Variants in PEX5L observed in about 807,000 individuals in gnomAD.
The protein encoded by PEX5L is PEX5-related protein.
Under a neutral mutation model 84.0 loss-of-function variants are expected in PEX5L, and 30 were observed. That is an observed-to-expected ratio of 0.36 (90% CI 0.27 to 0.48). The LOEUF is 0.48. PEX5L is among the 20% of genes least tolerant of loss of function. The pLI, the probability that PEX5L is intolerant of heterozygous loss-of-function variation, is 0.99. For missense variants in PEX5L, 533 were observed against 754.6 expected, an observed-to-expected ratio of 0.71 and a Z score of 3.44; for synonymous variants, 270 against 283.1, an observed-to-expected ratio of 0.95 and a Z score of 0.46.
chr3:179,978,063 T>G (rs1012038253), intron 1 of PEX5L, among the ~76,000 whole-genome samples: 2 of 152,248 alleles, frequency 1.3e-5, no homozygotes, highest in Non-Finnish European at 2.9e-5. Flanking sequence ...TTTTGCCATA[T>G]GCATGAGCCC....
intron 1 of PEX5L, among the ~76,000 whole-genome samples, chr3:180,004,728 G>A (rs947612375): frequency 5.3e-5 from 8 of 151,820 alleles, no homozygotes; most frequent in Non-Finnish European, 7.4e-5. Context: ...AGGGGCCCAG[G>A]AAGCTGCACT....
rs760534568 is a variant in PEX5L, at chr3:179,800,181, G to C, written c.*1647C>G. ...TACCTCGCATTCAATTGATAAGCAC[G>C]TGTGCACATTTACTCCTCAGTAGAA... On this transcript the variant is annotated 3_prime_UTR_variant, in exon 15 of 15. Transcript: ENST00000467460. The C allele has an allele frequency of 6.6e-6, 1 of 152,184 alleles. No individual in the cohort carries two copies. Among genetic ancestry groups the C allele is most frequent in the African/African-American group, 2.4e-5 (1 of 41,432 alleles). The allele number at this position is 152,184 out of a possible 1,614,324, so 9.4% of individuals were successfully genotyped here.
At chr3:179,914,908 G>A (rs1453274918) in intron 2 of PEX5L, among the ~76,000 whole-genome samples, 1 of 152,172 alleles carries the variant, frequency 6.6e-6, no homozygotes, top group Non-Finnish European at 1.5e-5. Flanking sequence ...TTAAAATATA[G>A]TAGCAGTTTA....
At chr3:179,896,298 T>G (rs1282706855) in intron 3 of PEX5L, 2 of 152,134 alleles carry the variant, frequency 1.3e-5, no homozygotes, top group Non-Finnish European at 2.9e-5. Flanking sequence ...GAATCAGAAC[T>G]CTGTTTGCTG....
intron 8 of PEX5L, among the ~76,000 whole-genome samples, chr3:179,845,734 A>G (rs1342502116): frequency 6.6e-6 from 1 of 152,178 alleles, no homozygotes; most frequent in African/African-American, 2.4e-5. Flanking sequence ...GTCCCTTAAC[A>G]TCTCTGGATT....
intron 2 of PEX5L, among the ~76,000 whole-genome samples, chr3:179,951,635 G>C (rs985371141): frequency 6.6e-6 from 1 of 152,138 alleles, no homozygotes. Context: ...GCTGGAAGAG[G>C]CTTGCATTTC....
intron 1 of PEX5L, among the ~76,000 whole-genome samples, chr3:179,992,609 G>C (rs1220208129): frequency 6.6e-6 from 1 of 152,152 alleles, no homozygotes; most frequent in Non-Finnish European, 1.5e-5. Flanking sequence ...AAACGTAACA[G>C]ATGGCTCCCA....
intron 2 of PEX5L, among the ~76,000 whole-genome samples, chr3:179,933,997 C>A (rs533855476): frequency 2.3e-4 from 35 of 152,164 alleles, no homozygotes; most frequent in Non-Finnish European, 4.1e-4. Flanking sequence ...CTCAGAAGAC[C>A]CAATGGGACA....
At chr3:179,811,508 G>A (rs1157136111) in intron 11 of PEX5L, among the ~76,000 whole-genome samples, 2 of 152,126 alleles carry the variant, frequency 1.3e-5, no homozygotes, top group African/African-American at 2.4e-5. Context: ...AGGCTAAAAC[G>A]TTAAAAGGAA....
rs1336611881 is a variant in PEX5L, at chr3:179,801,494, GCT to G, written c.*332_*333del. The G allele has an allele frequency of 1.2e-5, 3 of 243,778 alleles. No homozygotes were observed. Among genetic ancestry groups the G allele is most frequent in the Non-Finnish European group, 2.4e-5 (3 of 124,014 alleles). The allele number at this position is 243,778 out of a possible 1,614,324, so 15.1% of individuals were successfully genotyped here. The stretch of plus-strand genomic sequence containing the variant: ...AACAAGTTCCTCAGATGTGTCATCA[GCT>G]GCAAGGGGAGACAAAAAACCCAAAG... On this transcript the variant is annotated 3_prime_UTR_variant, in exon 15 of 15. Transcript: ENST00000467460.
At chr3:179,828,593 A>G (rs1233845406) in intron 8 of PEX5L, among the ~76,000 whole-genome samples, 1 of 152,060 alleles carries the variant, frequency 6.6e-6, no homozygotes, top group African/African-American at 2.4e-5. Context: ...ATGTTAATGT[A>G]TATTTTAAAT....
chr3:179,868,322 T>C (rs1035568218), intron 7 of PEX5L, among the ~76,000 whole-genome samples: 3 of 152,028 alleles, frequency 2.0e-5, no homozygotes, highest in Admixed American at 6.6e-5. Flanking sequence ...CCCAAAGTTA[T>C]TGTAAGAATT....
intron 8 of PEX5L, among the ~76,000 whole-genome samples, chr3:179,831,990 T>C (rs2109159754): frequency 6.6e-6 from 1 of 152,272 alleles, no homozygotes; most frequent in Admixed American, 6.5e-5. Context: ...TTTAGATCGG[T>C]GTTTTAGAAA....
chr3:179,833,463 A>G (rs908717145), intron 8 of PEX5L, among the ~76,000 whole-genome samples: 3 of 152,202 alleles, frequency 2.0e-5, no homozygotes, highest in South Asian at 4.1e-4. Context: ...CTGCCTCTCT[A>G]ACCTGTTCTT....
intron 2 of PEX5L, among the ~76,000 whole-genome samples, chr3:179,942,865 T>C (rs564791740): frequency 1.3e-5 from 2 of 152,316 alleles, no homozygotes; most frequent in South Asian, 2.1e-4. Context: ...TTACATATAG[T>C]AGACATAATG....
chr3:179,961,719 C>T (rs1782092652), intron 2 of PEX5L, among the ~76,000 whole-genome samples: 1 of 152,138 alleles, frequency 6.6e-6, no homozygotes, highest in Non-Finnish European at 1.5e-5. Context: ...TAACATAAAT[C>T]ATTGAGGGAC....
chr3:179,868,260 T>C (rs1176151345), intron 7 of PEX5L, among the ~76,000 whole-genome samples: 5 of 151,818 alleles, frequency 3.3e-5, no homozygotes, highest in Non-Finnish European at 7.4e-5. Flanking sequence ...CTGGGGAAAA[T>C]TTTGCTCTCT....
At chr3:179,818,589 C>G (rs1038165909) in intron 9 of PEX5L, among the ~76,000 whole-genome samples, 1 of 151,512 alleles carries the variant, frequency 6.6e-6, no homozygotes, top group Non-Finnish European at 1.5e-5. Context: ...CAGTTCCCTA[C>G]CCCCCTCCCC....
chr3:179,971,742 G>A lies in PEX5L; in HGVS notation c.22-77C>T, dbSNP rs1027505227. 11 of 1,382,866 alleles carry A rather than the reference G, an allele frequency of 8.0e-6. No individual in the cohort carries two copies. In the Admixed American group the frequency reaches 1.0e-4, roughly 13 times the overall value. The allele number at this position is 1,382,866 out of a possible 1,614,324, so 85.7% of individuals were successfully genotyped here. A position where few individuals can be genotyped will look rare whatever the true frequency, so the allele number is the denominator to read the frequency against. On this transcript the variant is annotated intron_variant, in intron 1 of 14. Transcript: ENST00000467460. The stretch of plus-strand genomic sequence containing the variant: ...CTTAATTCTACTTAATATTTTTAAA[G>A]ATAAAAGTCTTAGCCTTGTTCACCA...
Sources: allele counts gnomAD v4.1 joint callset (sites outside exome capture counted in the v4.1 genomes callset), GRCh38; gene constraint gnomAD v4.1.1; transcripts MANE v1.5; gene names NCBI Gene and HGNC (gene_info 2026-07-23, HGNC 2026-07-21).